Variants in CMIP observed in about 807,000 individuals in gnomAD.
CMIP encodes the protein C-Maf-inducing protein.
In CMIP, 13 loss-of-function variants were observed where a neutral mutation model predicts 97.3. The ratio of observed to expected loss-of-function variants is 0.13; its 90% confidence interval spans 0.09 to 0.21. The LOEUF (loss-of-function observed/expected upper bound fraction) is 0.21, where lower values mean the gene tolerates loss of function less well. Among genes scored for constraint, CMIP ranks in the 10% least tolerant of loss-of-function variants. The pLI is 1.00. For missense variants in CMIP, 847 were observed against 1,024.9 expected, an observed-to-expected ratio of 0.83 and a Z score of 2.37; for synonymous variants, 538 against 436.3, an observed-to-expected ratio of 1.23 and a Z score of -2.91.
intron 1 of CMIP, among the ~76,000 whole-genome samples, chr16:81,522,523 T>C (rs1260492899): frequency 6.6e-6 from 1 of 152,236 alleles, no homozygotes; most frequent in Non-Finnish European, 1.5e-5. Context: ...TTTCTTCTTT[T>C]TGAATTTTGA....
intron 3 of CMIP, among the ~76,000 whole-genome samples, chr16:81,640,298 C>A (rs543405131): frequency 1.0e-4 from 15 of 149,936 alleles, no homozygotes; most frequent in South Asian, 2.1e-4. Flanking sequence ...CCCCCCCCCC[C>A]CAATTCCCCA....
Position 81,675,353 on chromosome 16 carries a change from A to AC in CMIP, c.1035-2921dup, listed in dbSNP as rs1431586764. Among the ~76,000 whole-genome samples the AC allele has an allele frequency of 1.9e-3, 285 of 149,374 alleles. 1 individual carries two copies. Among genetic ancestry groups the AC allele is most frequent in the African/African-American group, 6.7e-3 (272 of 40,692 alleles). ...CAAGTAGCTGGGATTACAGGTGTGC[A>AC]CTGCCACACCTGGCTAATTTTTTTT... On this transcript the variant is annotated intron_variant, in intron 9 of 20. Transcript: ENST00000537098.
At position 81,616,617 on chromosome 16, in the gene CMIP, T is replaced by C. The variant is rs1367359465; in HGVS notation, c.427-4259T>C. Among the ~76,000 whole-genome samples the C allele has an allele frequency of 3.9e-5, 6 of 152,214 alleles. No homozygotes were observed. Among genetic ancestry groups the C allele is most frequent in the Non-Finnish European group, 7.3e-5 (5 of 68,034 alleles). ...CCTTCTTGAACCGAAACCTGCCTTCTTCCTGGACTGCCACACCGACCTCCA... is the reference window on the plus strand; with the variant it reads ...CCTTCTTGAACCGAAACCTGCCTTCCTCCTGGACTGCCACACCGACCTCCA... On this transcript the variant is annotated intron_variant, in intron 2 of 20. Coordinates refer to ENST00000537098, the MANE Select transcript of CMIP (RefSeq NM_198390.3). This position sits in a 1 kb window ranked among gnomAD's most constrained non-coding sequence, Gnocchi z 4.7.
In CMIP at chr16:81,481,772, C is replaced by G. The variant is rs13330589; in HGVS notation, c.300+36231C>G. ...GAAGCCTAAGGGAAGGGTCTGTTGC[C>G]TTTTCCATTATCTAGAGGCTGCTCG... is the stretch of plus-strand genomic sequence containing the variant. On this transcript the variant is annotated intron_variant, in intron 1 of 20. Coordinates refer to ENST00000537098, the MANE Select transcript of CMIP (RefSeq NM_198390.3). Among the ~76,000 whole-genome samples the G allele has an allele frequency of 0.02, 2,984 of 152,178 alleles. 206 individuals carry two copies. The East Asian group carries it at 0.28, about 14-fold the overall frequency.
intron 1 of CMIP, among the ~76,000 whole-genome samples, chr16:81,452,886 T>TTTTTTTG (rs1906317310): frequency 2.3e-5 from 1 of 44,268 alleles, no homozygotes. Flanking sequence ...TTTTGTTTTG[T>TTTTTTTG]TTTTTTTTTT....
chr16:81,446,326 A>C (rs1169166542), intron 1 of CMIP, among the ~76,000 whole-genome samples: 2 of 152,036 alleles, frequency 1.3e-5, no homozygotes, highest in East Asian at 3.9e-4. Context: ...GGACTGGGTC[A>C]GCTGGATGAG....
chr16:81,702,577 A>G (rs1356172135), intron 16 of CMIP, 45 bp from the exon 17 acceptor site: 3 of 1,594,422 alleles, frequency 1.9e-6, no homozygotes, highest in Admixed American at 3.4e-5. Context: ...TAGAATGGAA[A>G]CTTGGGGAAA....
At chr16:81,631,976 G>A (rs2092167616) in intron 3 of CMIP, 1 of 152,160 alleles carries the variant, frequency 6.6e-6, no homozygotes, top group Non-Finnish European at 1.5e-5. Context: ...ATACCGAAAA[G>A]GACAAAGAGA....
chr16:81,611,328 A>G (rs752591946), intron 2 of CMIP: 1 of 152,230 alleles, frequency 6.6e-6, no homozygotes, highest in Non-Finnish European at 1.5e-5. Flanking sequence ...ACGTCAGATC[A>G]CAGGGGGCTC....
intron 1 of CMIP, among the ~76,000 whole-genome samples, chr16:81,454,308 C>G (rs1906414558): frequency 6.6e-6 from 1 of 152,122 alleles, no homozygotes; most frequent in Non-Finnish European, 1.5e-5. Flanking sequence ...AATGGAGTCT[C>G]AGATAAAGAG....
At chr16:81,582,847 C>G (rs556536834) in intron 1 of CMIP, among the ~76,000 whole-genome samples, 14 of 152,032 alleles carry the variant, frequency 9.2e-5, no homozygotes, top group African/African-American at 3.1e-4. Flanking sequence ...GGGGGTAAAA[C>G]GAAAATGACA....
chr16:81,573,350 T>TAAA (rs201984837), intron 1 of CMIP, among the ~76,000 whole-genome samples: 5 of 116,714 alleles, frequency 4.3e-5, no homozygotes, highest in African/African-American at 1.3e-4. Context: ...TCTCAAAAAA[T>TAAA]AAAAAAAAAA....
At chr16:81,648,477 C>G (rs4076260) in intron 3 of CMIP, among the ~76,000 whole-genome samples, 1 of 152,018 alleles carries the variant, frequency 6.6e-6, no homozygotes, top group African/African-American at 2.4e-5. Flanking sequence ...CCTGGGCACA[C>G]GGCAGTCAGA....
chr16:81,607,380 C>G (rs1300228602), intron 1 of CMIP, among the ~76,000 whole-genome samples, 187 bp from the exon 2 acceptor site: 2 of 152,218 alleles, frequency 1.3e-5, no homozygotes, highest in African/African-American at 2.4e-5. Context: ...AGTGAACCCC[C>G]TTGCAGCTGG....
At chr16:81,517,848 G>A in intron 1 of CMIP, 1 of 659,796 alleles carries the variant, frequency 1.5e-6, no homozygotes, top group Non-Finnish European at 1.9e-6. Flanking sequence ...CTGGAGGCTT[G>A]GGAGATGCAG....
intron 9 of CMIP, among the ~76,000 whole-genome samples, chr16:81,674,937 A>G (rs550770518): frequency 2.0e-5 from 3 of 152,228 alleles, no homozygotes; most frequent in African/African-American, 7.2e-5. Context: ...TTACCAGCGT[A>G]CTTTGGGTTA....
At chr16:81,635,954 GGA>G (rs1342431939) in intron 3 of CMIP, among the ~76,000 whole-genome samples, 1 of 152,092 alleles carries the variant, frequency 6.6e-6, no homozygotes, top group Non-Finnish European at 1.5e-5. Context: ...TGGTGAGCAT[GGA>G]GTTAGCATGG....
At chr16:81,491,099 G>T (rs879557062) in intron 1 of CMIP, among the ~76,000 whole-genome samples, 4 of 152,146 alleles carry the variant, frequency 2.6e-5, no homozygotes, top group Non-Finnish European at 2.9e-5. Flanking sequence ...GGGGTTTTGT[G>T]GTGGGTTCCT....
At chr16:81,607,369 C>T (rs937695439) in intron 1 of CMIP, among the ~76,000 whole-genome samples, 198 bp from the exon 2 acceptor site, 1 of 152,216 alleles carries the variant, frequency 6.6e-6, no homozygotes, top group Non-Finnish European at 1.5e-5. Context: ...TGGAGTTTTA[C>T]AGTGAACCCC....
Sources: gnomAD v4.1 joint callset for allele counts (sites outside exome capture counted in the v4.1 genomes callset) on GRCh38, gnomAD v4.1.1 for gene constraint, Gnocchi (gnomAD v3.1) non-coding constraint, MANE v1.5 for transcripts, NCBI Gene and HGNC (gene_info 2026-07-23, HGNC 2026-07-21) for gene names.